MAGI3: variants seen among roughly 807,000 people sequenced by gnomAD.
The protein encoded by MAGI3 is membrane-associated guanylate kinase, WW and PDZ domain-containing protein 3.
Under a neutral mutation model 121.8 loss-of-function variants are expected in MAGI3, and 43 were observed. The observed-to-expected ratio is 0.35, with a 90% confidence interval of 0.28 to 0.46. MAGI3 has a LOEUF of 0.46. Among genes scored for constraint, MAGI3 ranks in the 20% least tolerant of loss-of-function variants. The probability of loss-of-function intolerance (pLI) is 1.00; values close to 1 mark genes in which losing one functional copy is unlikely to be tolerated. For missense variants in MAGI3, 1,547 were observed against 1,797.3 expected (o/e 0.86, Z 2.52); for synonymous variants, 553 against 639.3 (o/e 0.86, Z 2.04).
At position 113,390,981 on chromosome 1, in the gene MAGI3, C is replaced by G; in HGVS notation, c.-53C>G. ...CCCCCGGGCTGAGACGGGGCCGGAG[C>G]GGCGCCCCGGCCGCCCGCGCGGGGT... On this transcript the variant is annotated 5_prime_UTR_variant, in exon 1 of 21. Coordinates refer to ENST00000307546, the MANE Select transcript of MAGI3 (RefSeq NM_001142782.2). The G allele has an allele frequency of 6.8e-7, 1 of 1,461,622 alleles. No homozygotes were observed. Among genetic ancestry groups the G allele is most frequent in the African/African-American group, 1.5e-5 (1 of 67,270 alleles). The allele number at this position is 1,461,622 out of a possible 1,614,324, so 90.5% of individuals were successfully genotyped here.
chr1:113,517,971 T>G (rs1189951640), intron 1 of MAGI3, among the ~76,000 whole-genome samples: 1 of 152,048 alleles, frequency 6.6e-6, no homozygotes, highest in Admixed American at 6.6e-5. Context: ...CCCTTTCTCT[T>G]AATCTTATAA....
At chr1:113,437,886 CCT>C (rs1653695412) in intron 1 of MAGI3, among the ~76,000 whole-genome samples, 3 of 11,158 alleles carry the variant, frequency 2.7e-4, no homozygotes, top group African/African-American at 5.1e-4. Flanking sequence ...TTCTCCTTCT[CCT>C]TCTCCTTCTC....
chr1:113,544,691 C>A (rs1394378000), intron 1 of MAGI3, among the ~76,000 whole-genome samples: 2 of 152,110 alleles, frequency 1.3e-5, no homozygotes, highest in Non-Finnish European at 2.9e-5. Flanking sequence ...AACTAAGATG[C>A]CTCAGAGTGC....
chr1:113,534,420 C>T (rs1658869398), intron 1 of MAGI3, among the ~76,000 whole-genome samples: 2 of 152,108 alleles, frequency 1.3e-5, no homozygotes, highest in African/African-American at 4.8e-5. Flanking sequence ...TCCCTTGCGG[C>T]CTTGCCTTTC....
intron 2 of MAGI3, among the ~76,000 whole-genome samples, chr1:113,570,048 C>G (rs898332347): frequency 6.6e-6 from 1 of 152,094 alleles, no homozygotes; most frequent in East Asian, 1.9e-4. Context: ...CCTTGCCCCC[C>G]ACACCCCGAC....
At chr1:113,524,576 C>T (rs1464299610) in intron 1 of MAGI3, among the ~76,000 whole-genome samples, 3 of 151,812 alleles carry the variant, frequency 2.0e-5, no homozygotes, top group African/African-American at 7.3e-5. Context: ...GGTCTTTAGC[C>T]CCTTTGTTTA....
intron 1 of MAGI3, among the ~76,000 whole-genome samples, chr1:113,460,550 C>G (rs1448257630): frequency 2.0e-5 from 3 of 152,150 alleles, no homozygotes; most frequent in Non-Finnish European, 4.4e-5. Flanking sequence ...TGGCTCACGC[C>G]TGTAATCCCA....
intron 1 of MAGI3, among the ~76,000 whole-genome samples, chr1:113,532,393 C>G (rs1177295335): frequency 6.7e-6 from 1 of 149,272 alleles, no homozygotes; most frequent in African/African-American, 2.4e-5. Context: ...ATAGTGTTAC[C>G]TGCATGTTTG....
At chr1:113,481,253 A>C (rs1397018616) in intron 1 of MAGI3, among the ~76,000 whole-genome samples, 2 of 152,236 alleles carry the variant, frequency 1.3e-5, no homozygotes, top group African/African-American at 4.8e-5. Flanking sequence ...AATACTTTTT[A>C]GCATGACTTC....
chr1:113,581,268 C>CTT (rs1315649460), intron 3 of MAGI3, among the ~76,000 whole-genome samples: 1 of 151,980 alleles, frequency 6.6e-6, no homozygotes, highest in Non-Finnish European at 1.5e-5. Context: ...TCCATTATTG[C>CTT]TTTTTCATAC....
intron 9 of MAGI3, among the ~76,000 whole-genome samples, chr1:113,627,021 GTTAT>G (rs1184847311): frequency 6.6e-6 from 1 of 151,790 alleles, no homozygotes; most frequent in Admixed American, 6.6e-5. Flanking sequence ...GCATCATGAG[GTTAT>G]TTATTTGAAG....
At chr1:113,539,946 G>A (rs192654433) in intron 1 of MAGI3, among the ~76,000 whole-genome samples, 17 of 151,832 alleles carry the variant, frequency 1.1e-4, no homozygotes, top group Admixed American at 9.9e-4. Context: ...GCACCACAAC[G>A]CCCAGCTAAT....
chr1:113,458,363 G>T (rs1227508384), intron 1 of MAGI3, among the ~76,000 whole-genome samples: 5 of 152,104 alleles, frequency 3.3e-5, no homozygotes, highest in African/African-American at 1.2e-4. Flanking sequence ...GCTGAAATGG[G>T]CAACTCTTGA....
intron 1 of MAGI3, among the ~76,000 whole-genome samples, chr1:113,494,159 T>C (rs560537296): frequency 6.6e-6 from 1 of 152,220 alleles, no homozygotes; most frequent in East Asian, 1.9e-4. Flanking sequence ...AAAGGAAATA[T>C]ACACCATGGC....
chr1:113,517,075 CA>C (rs1320890280), intron 1 of MAGI3, among the ~76,000 whole-genome samples: 1 of 151,458 alleles, frequency 6.6e-6, no homozygotes, highest in East Asian at 1.9e-4. Context: ...GGAAATATGA[CA>C]AGTAAATGTA....
Position 113,549,624 on chromosome 1 carries a change from C to T in MAGI3, c.426C>T (p.Thr142=). 6.4e-7 allele frequency: 1 copy of T among 1,553,598 alleles called. No individual in the cohort carries two copies. The highest frequency in any genetic ancestry group is 8.8e-7 in the Non-Finnish European group (1 of 1,134,756). Residue 142 remains threonine (T), a synonymous_variant, in exon 2 of 21, where the codon ACC becomes ACT. Transcript: ENST00000307546. ...QVIRDNLYLR[T]IPCTTRAPRD... is the part of the protein sequence containing the mutation. ...TCAGAGATAATCTCTACTTGAGAAC[C>T]ATTCCATGTAAGTATGTGATGGAAT...
chr1:113,616,885 C>CTTTT (rs36011283), intron 7 of MAGI3, among the ~76,000 whole-genome samples: 2 of 134,134 alleles, frequency 1.5e-5, no homozygotes, highest in African/African-American at 5.5e-5. Flanking sequence ...ACAACTAAAA[C>CTTTT]TTTTTTTTTT....
In MAGI3 at chr1:113,533,100, A is replaced by G. The variant is rs116421172; in HGVS notation, c.317-16415A>G. 2.1e-3 allele frequency among the ~76,000 whole-genome samples: 321 copies of G among 152,326 alleles called. 3 individuals are homozygous for G. Among genetic ancestry groups the G allele is most frequent in the African/African-American group, 7.5e-3 (311 of 41,570 alleles). Reference sequence around the variant, plus strand: ...TTTATTTTTTCATCACAGTAGCTAAATAACGTAGTATTAGTATTTGCCTAC... The same window carrying G: ...TTTATTTTTTCATCACAGTAGCTAAGTAACGTAGTATTAGTATTTGCCTAC... On this transcript the variant is annotated intron_variant, in intron 1 of 20. Coordinates refer to ENST00000307546, the MANE Select transcript of MAGI3 (RefSeq NM_001142782.2).
intron 3 of MAGI3, among the ~76,000 whole-genome samples, chr1:113,582,685 A>G (rs1344916712): frequency 6.6e-6 from 1 of 152,056 alleles, no homozygotes; most frequent in Non-Finnish European, 1.5e-5. Flanking sequence ...TCAGGAGGAA[A>G]GACACATATC....
Sources: allele counts gnomAD v4.1 joint callset (sites outside exome capture counted in the v4.1 genomes callset), GRCh38; gene constraint gnomAD v4.1.1; transcripts MANE v1.5; gene names NCBI Gene and HGNC (gene_info 2026-07-23, HGNC 2026-07-21).